The following NCOA2 variants were observed in gnomAD, a reference collection of about 807,000 sequenced individuals.
The protein encoded by NCOA2 is nuclear receptor coactivator 2.
A neutral mutation model predicts 145.1 loss-of-function variants in NCOA2; 21 were observed. The observed-to-expected ratio is 0.14, with a 90% CI of 0.10 to 0.21. The LOEUF is 0.21. Among genes scored for constraint, NCOA2 ranks in the 10% least tolerant of loss-of-function variants. The probability of loss-of-function intolerance (pLI) is 1.00; values close to 1 mark genes in which losing one functional copy is unlikely to be tolerated. For missense variants in NCOA2, 1,472 were observed against 1,837.6 expected, an observed-to-expected ratio of 0.80 and a Z score of 3.64; for synonymous variants, 619 against 637.5, an observed-to-expected ratio of 0.97 and a Z score of 0.44.
intron 2 of NCOA2, among the ~76,000 whole-genome samples, chr8:70,238,990 T>C (rs1417956116): frequency 1.3e-5 from 2 of 152,186 alleles, no homozygotes; most frequent in African/African-American, 4.8e-5. Flanking sequence ...AGTAGTTGGG[T>C]TGATTTCTCT....
intron 2 of NCOA2, among the ~76,000 whole-genome samples, chr8:70,245,896 A>G (rs1440705598): frequency 6.6e-6 from 1 of 152,152 alleles, no homozygotes; most frequent in African/African-American, 2.4e-5. Flanking sequence ...CATTATAGCT[A>G]TCCACATACT....
intron 1 of NCOA2, among the ~76,000 whole-genome samples, chr8:70,348,391 C>G (rs1023135826): frequency 6.6e-6 from 1 of 152,168 alleles, no homozygotes; most frequent in African/African-American, 2.4e-5. Context: ...CCTGGAAAAG[C>G]TAAAGAGTTT....
At chr8:70,314,967 T>G (rs1339839314) in intron 1 of NCOA2, among the ~76,000 whole-genome samples, 5 of 152,232 alleles carry the variant, frequency 3.3e-5, no homozygotes, top group Non-Finnish European at 5.9e-5. Flanking sequence ...TCTGAGCCTT[T>G]TCATTTATTT....
chr8:70,371,059 G>A (rs1377567349), intron 1 of NCOA2, among the ~76,000 whole-genome samples: 2 of 152,030 alleles, frequency 1.3e-5, no homozygotes, highest in Admixed American at 6.6e-5. Flanking sequence ...AGGCCGAGTC[G>A]GGCGGATCAC....
rs117761666 is a variant in NCOA2, at chr8:70,315,433, C to T, written c.-76-18633G>A. Among the ~76,000 whole-genome samples, 249 of 152,230 alleles carry T rather than the reference C, an allele frequency of 1.6e-3. 7 individuals are homozygous for T. The East Asian group carries it at 0.045, about 27-fold the overall frequency. Reference sequence around the variant, plus strand: ...CATGTCCACGCCTTCTAAATTATAACCATATTATTAATACTTATATTTAAT... The same window carrying T: ...CATGTCCACGCCTTCTAAATTATAATCATATTATTAATACTTATATTTAAT... On this transcript the variant is annotated intron_variant, in intron 1 of 22. Transcript: ENST00000452400.
At chr8:70,220,535 G>T (rs1031882647) in intron 2 of NCOA2, among the ~76,000 whole-genome samples, 1 of 152,206 alleles carries the variant, frequency 6.6e-6, no homozygotes, top group African/African-American at 2.4e-5. Context: ...AGACGGTAGG[G>T]AAGAGTTATA....
At chr8:70,404,899 A>G (rs1814700423), upstream of NCOA2, among the ~76,000 whole-genome samples, 1 of 152,160 alleles carries the variant, frequency 6.6e-6, no homozygotes, top group Admixed American at 6.5e-5. Context: ...CTTTTGTTTA[A>G]TGGCAGTTAT....
chr8:70,146,423 CTTTA>C (rs1331958432), intron 12 of NCOA2, among the ~76,000 whole-genome samples: 1 of 152,118 alleles, frequency 6.6e-6, no homozygotes, highest in Non-Finnish European at 1.5e-5. Context: ...ACATCAAGTA[CTTTA>C]TTTTCCTGAA....
At chr8:70,450,729 G>A in the NCOA2 span, among the ~76,000 whole-genome samples, 31 of 151,008 alleles carry the variant, frequency 2.1e-4, no homozygotes, top group African/African-American at 6.8e-4. Flanking sequence ...ACAGGGGTGC[G>A]CTACCACTCC....
chr8:70,148,422 G>A lies in NCOA2; in HGVS notation c.2456C>T (p.Pro819Leu). 1 of 1,613,810 alleles carries A rather than the reference G, an allele frequency of 6.2e-7. No individual in the cohort carries two copies. Among genetic ancestry groups the A allele is most frequent in the Non-Finnish European group, 8.5e-7 (1 of 1,179,876 alleles). ...ILDDLQNSQL[P>L]QLFPDTRPGA... ...TGGCCTCGTGTCTGGGAAAAGCTGT[G>A]GTAATTGACTATTCTGCAAATCATC... Residue 819 changes from proline (P) to leucine (L), a missense_variant, in exon 12 of 23, where the codon CCA (proline) becomes CTA (leucine). Around this residue, in one of 4 missense-constraint regions of NCOA2, gnomAD observed 953 missense variants for 1,062.1 expected, o/e 0.90. Transcript: ENST00000452400.
At chr8:70,362,442 T>C (rs760915233) in intron 1 of NCOA2, among the ~76,000 whole-genome samples, 12 of 151,912 alleles carry the variant, frequency 7.9e-5, no homozygotes, top group Non-Finnish European at 1.5e-4. Context: ...GATCAGCAAA[T>C]ATAAGGAATT....
At chr8:70,231,409 T>C (rs1385165991) in intron 2 of NCOA2, among the ~76,000 whole-genome samples, 2 of 152,220 alleles carry the variant, frequency 1.3e-5, no homozygotes, top group African/African-American at 2.4e-5. Flanking sequence ...TGTGATGTAA[T>C]GCTGTTGTGC....
intron 4 of NCOA2, among the ~76,000 whole-genome samples, chr8:70,178,517 G>C (rs1272773924): frequency 2.0e-5 from 3 of 152,246 alleles, no homozygotes; most frequent in African/African-American, 7.2e-5. Context: ...ATGGAACAGT[G>C]ACACTGGGAT....
chr8:70,422,266 G>C, the NCOA2 span, among the ~76,000 whole-genome samples: 6 of 152,148 alleles, frequency 3.9e-5, no homozygotes, highest in African/African-American at 1.4e-4. Context: ...TCCTCTAAGA[G>C]AGTAAAGAAT....
the NCOA2 span, among the ~76,000 whole-genome samples, chr8:70,409,764 G>T: frequency 6.6e-6 from 1 of 152,158 alleles, no homozygotes; most frequent in Admixed American, 6.5e-5. Flanking sequence ...CAGCTGCTTG[G>T]GAGGCTGAGG....
At chr8:70,176,136 T>C (rs1296048132) in intron 4 of NCOA2, among the ~76,000 whole-genome samples, 2 of 152,230 alleles carry the variant, frequency 1.3e-5, no homozygotes, top group South Asian at 2.1e-4. Flanking sequence ...GGATGGTATG[T>C]GAAACACTCT....
intron 1 of NCOA2, among the ~76,000 whole-genome samples, chr8:70,310,399 T>C (rs1165399626): frequency 4.0e-5 from 6 of 150,362 alleles, no homozygotes; most frequent in Non-Finnish European, 7.4e-5. Flanking sequence ...TTTGAGTTCC[T>C]CTATGAGAAG....
upstream of NCOA2, among the ~76,000 whole-genome samples, chr8:70,408,008 C>G (rs1563857622): frequency 6.6e-6 from 1 of 151,876 alleles, no homozygotes; most frequent in East Asian, 1.9e-4. Context: ...TTGATATACC[C>G]CCTCTATTCA....
intron 11 of NCOA2, among the ~76,000 whole-genome samples, chr8:70,153,538 G>C (rs1394812414): frequency 6.6e-6 from 1 of 152,138 alleles, no homozygotes; most frequent in Non-Finnish European, 1.5e-5. Context: ...TCAGGCCTAG[G>C]ATAGAAATAA....
Sources: allele counts gnomAD v4.1 joint callset (sites outside exome capture counted in the v4.1 genomes callset), GRCh38; gene constraint gnomAD v4.1.1; regional missense constraint gnomAD v4.1.1; transcripts MANE v1.5; gene names NCBI Gene and HGNC (gene_info 2026-07-23, HGNC 2026-07-21).